KCTD3: variants seen among roughly 807,000 people sequenced by gnomAD.
The protein encoded by KCTD3 is BTB/POZ domain-containing protein KCTD3.
Under a neutral mutation model 85.8 loss-of-function variants are expected in KCTD3, and 41 were observed. The ratio of observed to expected loss-of-function variants is 0.48; its 90% confidence interval spans 0.37 to 0.62. The LOEUF (loss-of-function observed/expected upper bound fraction) is 0.62. Ranked by LOEUF, KCTD3 falls within the 20% of genes least tolerant of loss-of-function variation. The probability of loss-of-function intolerance (pLI) is 0.00; values close to 1 mark genes in which losing one functional copy is unlikely to be tolerated. For synonymous variants in KCTD3, 338 were observed against 345.4 expected, an observed-to-expected ratio of 0.98 and a Z score of 0.24; for missense variants, 724 against 989.9, an observed-to-expected ratio of 0.73 and a Z score of 3.60.
rs4655410 is a variant in KCTD3 at position 215,616,647 on chromosome 1, C to A, written c.1563-2239C>A. On this transcript the variant is annotated intron_variant, in intron 15 of 17. Transcript: ENST00000259154. ...TGGTGGCACACGCCTGTAATCCCAG[C>A]TACTCAGGAGGCTGAGGCAGGAGAA... Among the ~76,000 whole-genome samples the A allele has an allele frequency of 3.8e-3, 586 of 152,250 alleles. 11 individuals carry two copies. The highest frequency in any genetic ancestry group is 0.026 in the Admixed American group (403 of 15,296).
chr1:215,571,480 A>G (rs751016033), intron 1 of KCTD3, among the ~76,000 whole-genome samples: 5 of 152,208 alleles, frequency 3.3e-5, no homozygotes, highest in African/African-American at 7.2e-5. Flanking sequence ...GTCAACTTCT[A>G]TGTGTTCCCT....
rs1659459784 is a variant in KCTD3, at chr1:215,573,702, A to G, written c.84-84A>G. ...ACTATAAAACATCTTGTAAATCATTAGCCAGTGTATTAAAACAAGTTAACT... is the reference window on the plus strand; with the variant it reads ...ACTATAAAACATCTTGTAAATCATTGGCCAGTGTATTAAAACAAGTTAACT... On this transcript the variant is annotated intron_variant, in intron 1 of 17. Coordinates refer to ENST00000259154, the MANE Select transcript of KCTD3 (RefSeq NM_016121.5). 4.0e-6 allele frequency: 3 copies of G among 747,624 alleles called. No individual in the cohort carries two copies. The East Asian group carries it at 7.7e-5, about 19-fold the overall frequency. 46.3% of individuals were successfully genotyped at this position (747,624 alleles called of 1,614,324 possible). A position where few individuals can be genotyped will look rare whatever the true frequency, so the allele number is the denominator to read the frequency against.
At chr1:215,602,045 G>GC (rs1402936921) in intron 11 of KCTD3, 40 bp from the exon 12 acceptor site, 1 of 1,378,972 alleles carries the variant, frequency 7.3e-7, no homozygotes, top group African/African-American at 1.4e-5. Flanking sequence ...AAATAGATAT[G>GC]CTATTTATTT....
intron 13 of KCTD3, among the ~76,000 whole-genome samples, chr1:215,606,584 T>C (rs1288175814): frequency 6.6e-6 from 1 of 152,094 alleles, no homozygotes; most frequent in Non-Finnish European, 1.5e-5. Context: ...TCTGTAATAA[T>C]TGCTATTATT....
intron 15 of KCTD3, among the ~76,000 whole-genome samples, chr1:215,617,538 TGAA>T (rs1655499618): frequency 2.0e-5 from 3 of 151,784 alleles, no homozygotes; most frequent in Admixed American, 2.0e-4. Flanking sequence ...TGCCAAGGAG[TGAA>T]GGACATTCTG....
intron 10 of KCTD3, 28 bp from the exon 11 acceptor site, chr1:215,601,839 A>G (rs1167128573): frequency 1.4e-5 from 17 of 1,219,414 alleles, no homozygotes; most frequent in Non-Finnish European, 1.5e-5. Flanking sequence ...TTACTATCTA[A>G]CATCTGATAA....
At chr1:215,579,589 C>T (rs796839419) in intron 7 of KCTD3, among the ~76,000 whole-genome samples, 11 of 151,744 alleles carry the variant, frequency 7.2e-5, no homozygotes, top group African/African-American at 2.7e-4. Flanking sequence ...AGCTCTGCCT[C>T]CTGGGTTTAC....
At chr1:215,573,938 T>G in intron 2 of KCTD3, 99 bp downstream of exon 2, 1 of 998,986 alleles carries the variant, frequency 1.0e-6, no homozygotes. Flanking sequence ...AAAGGTTAAC[T>G]CTTAAAATTA....
rs1000557910 is a variant in KCTD3, at chr1:215,621,496, A to T, written c.*878A>T. On this transcript the variant is annotated 3_prime_UTR_variant, in exon 18 of 18. Coordinates refer to ENST00000259154, the MANE Select transcript of KCTD3 (RefSeq NM_016121.5). ...TTCACTTGTAGGACTGCAGTTCTGA[A>T]TTTTGGGTTAAAGGTTTTGGCTGCT... 2 of 152,110 alleles carry T rather than the reference A, an allele frequency of 1.3e-5. No individual in the cohort carries two copies. The highest frequency in any genetic ancestry group is 1.3e-4 in the Admixed American group (2 of 15,250). The allele number at this position is 152,110 out of a possible 1,614,324, so 9.4% of individuals were successfully genotyped here.
intron 12 of KCTD3, 138 bp downstream of exon 12, chr1:215,602,339 C>G: frequency 2.0e-6 from 1 of 489,514 alleles, no homozygotes; most frequent in Non-Finnish European, 3.7e-6. Context: ...TCTACTAAGT[C>G]TAAAATTTGT....
intron 10 of KCTD3, among the ~76,000 whole-genome samples, chr1:215,601,126 A>C (rs1345985864): frequency 6.9e-6 from 1 of 144,716 alleles, no homozygotes; most frequent in Non-Finnish European, 1.5e-5. Flanking sequence ...TAGTAGAGAC[A>C]GGGTTTCACC....
intron 8 of KCTD3, among the ~76,000 whole-genome samples, chr1:215,582,895 G>A (rs1659878474): frequency 6.6e-6 from 1 of 152,120 alleles, no homozygotes; most frequent in Non-Finnish European, 1.5e-5. Flanking sequence ...TTACTTGTAT[G>A]GAAAGTTATA....
chr1:215,597,630 T>G (rs1399874320), intron 10 of KCTD3, among the ~76,000 whole-genome samples: 1 of 152,098 alleles, frequency 6.6e-6, no homozygotes, highest in Admixed American at 6.5e-5. Context: ...CAGTGGAGGC[T>G]GAGTTTGGGG....
At position 215,577,985 on chromosome 1, in the gene KCTD3, T is replaced by A. The variant is rs1394063816; in HGVS notation, c.317-16T>A. The A allele has an allele frequency of 6.2e-7, 1 of 1,606,256 alleles. No homozygotes were observed. Among genetic ancestry groups the A allele is most frequent in the Non-Finnish European group, 8.5e-7 (1 of 1,175,154 alleles). ...TTGCATGTACTCTTGACAAGTTTGC[T>A]TTGAAATGTTTTTAGTAAGAAGGCT... On this transcript the variant is annotated splice_polypyrimidine_tract_variant and intron_variant, in intron 5 of 17. Transcript: ENST00000259154.
intron 9 of KCTD3, among the ~76,000 whole-genome samples, chr1:215,592,313 C>T (rs536574626): frequency 6.6e-6 from 1 of 152,120 alleles, no homozygotes; most frequent in East Asian, 1.9e-4. Context: ...CTCAGGTCCT[C>T]TGCTGCCTGT....
chr1:215,575,881 A>T lies in KCTD3; in HGVS notation c.184-20A>T. On this transcript the variant is annotated intron_variant, in intron 3 of 17. Coordinates refer to ENST00000259154, the MANE Select transcript of KCTD3 (RefSeq NM_016121.5). ...AGATTAATTTGTAATTTGAAAATAA[A>T]ACTGTTCTCTTTTTTACAGATATTT... 1 of 1,383,208 alleles carries T rather than the reference A, an allele frequency of 7.2e-7. No individual in the cohort carries two copies. Among genetic ancestry groups the T allele is most frequent in the Non-Finnish European group, 1.0e-6 (1 of 997,292 alleles). The allele number at this position is 1,383,208 out of a possible 1,614,324, so 85.7% of individuals were successfully genotyped here. A position where few individuals can be genotyped will look rare whatever the true frequency, so the allele number is the denominator to read the frequency against.
chr1:215,616,670 G>C (rs1655463050), intron 15 of KCTD3, among the ~76,000 whole-genome samples: 1 of 152,154 alleles, frequency 6.6e-6, no homozygotes. Flanking sequence ...TGAGGCAGGA[G>C]AATCGCTTGA....
chr1:215,579,849 G>A (rs1014909550), intron 7 of KCTD3, 60 bp from the exon 8 acceptor site: 12 of 1,165,732 alleles, frequency 1.0e-5, no homozygotes, highest in Non-Finnish European at 1.3e-5. Flanking sequence ...TGGCCTGGTG[G>A]CTGTAATTTG....
chr1:215,616,488 C>T lies in KCTD3; in HGVS notation c.1563-2398C>T, dbSNP rs371569874. ...ATATTAAAAACTTCCAGGCCGGGTG[C>T]GGTGGCTCACACCTGTAATCCCAGC... On this transcript the variant is annotated intron_variant, in intron 15 of 17. Transcript: ENST00000259154. 3.9e-5 allele frequency among the ~76,000 whole-genome samples: 6 copies of T among 152,218 alleles called. No homozygotes were observed. The South Asian group carries it at 1.0e-3, about 26-fold the overall frequency.
Sources: gnomAD v4.1 joint callset for allele counts (sites outside exome capture counted in the v4.1 genomes callset) on GRCh38, gnomAD v4.1.1 for gene constraint, MANE v1.5 for transcripts, NCBI Gene and HGNC (gene_info 2026-07-23, HGNC 2026-07-21) for gene names.